The following GNG12 variants were observed in gnomAD, a reference collection of about 807,000 sequenced individuals.
GNG12 encodes the protein guanine nucleotide-binding protein G(I)/G(S)/G(O) subunit gamma-12.
For synonymous variants in GNG12, 28 were observed against 29.7 expected (o/e 0.94, Z 0.19); for missense variants, 69 against 83.8 (o/e 0.82, Z 0.69).
intron 2 of GNG12, among the ~76,000 whole-genome samples, chr1:67,770,218 A>G (rs1277817731): frequency 6.6e-6 from 1 of 152,210 alleles, no homozygotes; most frequent in Non-Finnish European, 1.5e-5. Context: ...GTGGAAAGCA[A>G]TGGAGGATTC....
chr1:67,750,528 A>G (rs1447594826), intron 2 of GNG12, among the ~76,000 whole-genome samples: 1 of 152,142 alleles, frequency 6.6e-6, no homozygotes, highest in African/African-American at 2.4e-5. Flanking sequence ...AGCGTAATTC[A>G]CCCAGCAGTT....
intron 1 of GNG12, among the ~76,000 whole-genome samples, chr1:67,811,941 A>C (rs1296913341): frequency 6.6e-6 from 1 of 152,230 alleles, no homozygotes; most frequent in East Asian, 1.9e-4. Context: ...CCAAGTATTC[A>C]AATGAAACTT....
At chr1:67,794,152 T>C (rs1016761743) in intron 1 of GNG12, among the ~76,000 whole-genome samples, 3 of 152,206 alleles carry the variant, frequency 2.0e-5, no homozygotes, top group African/African-American at 7.2e-5. Flanking sequence ...ATGTCTGCTT[T>C]TGCTTCCCGC....
chr1:67,774,064 T>A (rs1199617457), intron 2 of GNG12, among the ~76,000 whole-genome samples: 2 of 152,202 alleles, frequency 1.3e-5, no homozygotes, highest in Non-Finnish European at 2.9e-5. Context: ...TCGGCCACTC[T>A]GTGTGGCATT....
chr1:67,742,424 T>C lies in GNG12; in HGVS notation c.-26-34712A>G, dbSNP rs180971124. The stretch of plus-strand genomic sequence containing the variant: ...TCTCTGGCCCTAAGGATCTGGTAAT[T>C]CACCTGGGAAGAAAACTCCCACATA... On this transcript the variant is annotated intron_variant, in intron 2 of 3. Transcript: ENST00000370982. Among the ~76,000 whole-genome samples the C allele has an allele frequency of 6.4e-4, 98 of 152,246 alleles. 1 individual carries two copies. The highest frequency in any genetic ancestry group is 1.9e-3 in the African/African-American group (80 of 41,530).
intron 1 of GNG12, among the ~76,000 whole-genome samples, chr1:67,778,610 C>T (rs1018631042): frequency 6.6e-6 from 1 of 152,074 alleles, no homozygotes; most frequent in Non-Finnish European, 1.5e-5. Flanking sequence ...CCCAATTAAA[C>T]GTCACAATAA....
At chr1:67,716,534 G>C (rs928589950) in intron 2 of GNG12, among the ~76,000 whole-genome samples, 1 of 152,190 alleles carries the variant, frequency 6.6e-6, no homozygotes, top group Non-Finnish European at 1.5e-5. Flanking sequence ...ATGAAGCAGA[G>C]AGAGGTTAAA....
intron 2 of GNG12, among the ~76,000 whole-genome samples, chr1:67,746,488 G>A (rs998519632): frequency 2.0e-5 from 3 of 152,058 alleles, no homozygotes; most frequent in African/African-American, 4.8e-5. Context: ...ATGAAGGCAC[G>A]GAAGTGGCTT....
chr1:67,735,086 C>A (rs1185587817), intron 2 of GNG12, among the ~76,000 whole-genome samples: 2 of 152,102 alleles, frequency 1.3e-5, no homozygotes, highest in African/African-American at 4.8e-5. Flanking sequence ...AAACTCCTGA[C>A]CTCAGGTGAT....
At chr1:67,798,417 C>T (rs1484004314) in intron 1 of GNG12, among the ~76,000 whole-genome samples, 2 of 152,092 alleles carry the variant, frequency 1.3e-5, no homozygotes, top group African/African-American at 4.8e-5. Context: ...GAAACTGGTC[C>T]CTGGTGCCAA....
intron 1 of GNG12, among the ~76,000 whole-genome samples, chr1:67,795,169 T>G (rs1646823532): frequency 6.6e-6 from 1 of 152,198 alleles, no homozygotes; most frequent in Admixed American, 6.5e-5. Context: ...TTGGCCTGAT[T>G]TGGAAACAAC....
In GNG12 at chr1:67,737,288, T is replaced by G. The variant is rs1646457488; in HGVS notation, c.-26-29576A>C. Among the ~76,000 whole-genome samples, 4 of 152,260 alleles carry G rather than the reference T, an allele frequency of 2.6e-5. No homozygotes were observed. In the South Asian group the frequency reaches 8.3e-4, roughly 31 times the overall value. On this transcript the variant is annotated intron_variant, in intron 2 of 3. Coordinates refer to ENST00000370982, the MANE Select transcript of GNG12 (RefSeq NM_018841.6). ...AACTAGCTAAAGCAAAGTCTAATTA[T>G]AATTCTCATAATTAATCATTATAAA...
At position 67,748,866 on chromosome 1, in the gene GNG12, T is replaced by C. The variant is rs566813671; in HGVS notation, c.-27+28592A>G. Among the ~76,000 whole-genome samples the C allele has an allele frequency of 5.3e-5, 8 of 152,288 alleles. No individual in the cohort carries two copies. The South Asian group carries it at 1.7e-3, about 32-fold the overall frequency. ...TCTATTTGATCCTGCCCTGTACTGG[T>C]TTACTTTCTGTTTCTCCCACTCATT... is the stretch of plus-strand genomic sequence containing the variant. On this transcript the variant is annotated intron_variant, in intron 2 of 3. Transcript: ENST00000370982.
At chr1:67,724,207 G>A (rs921379263) in intron 2 of GNG12, among the ~76,000 whole-genome samples, 11 of 152,180 alleles carry the variant, frequency 7.2e-5, no homozygotes, top group African/African-American at 2.2e-4. Context: ...GGGTAACTGA[G>A]AGGGCAGAAG....
At chr1:67,740,964 C>T (rs1646480006) in intron 2 of GNG12, among the ~76,000 whole-genome samples, 1 of 152,054 alleles carries the variant, frequency 6.6e-6, no homozygotes, top group Admixed American at 6.6e-5. Context: ...AGGGAATCAT[C>T]TATGTTTTAT....
rs1255095744 is a variant in GNG12, at chr1:67,703,586, G to A, written c.*1865C>T. On this transcript the variant is annotated 3_prime_UTR_variant, in exon 4 of 4. Transcript: ENST00000370982. ...GTAAATTTCAAATCTCACCCTTTGA[G>A]AGGTAAAATCTTCCTCTCTCCTAAA... 1 of 152,148 alleles carries A rather than the reference G, an allele frequency of 6.6e-6. No homozygotes were observed. Among genetic ancestry groups the A allele is most frequent in the Non-Finnish European group, 1.5e-5 (1 of 68,032 alleles). The allele number at this position is 152,148 out of a possible 1,614,324, so 9.4% of individuals were successfully genotyped here.
At chr1:67,766,126 A>G (rs987386709) in intron 2 of GNG12, among the ~76,000 whole-genome samples, 4 of 151,206 alleles carry the variant, frequency 2.6e-5, no homozygotes, top group African/African-American at 9.7e-5. Flanking sequence ...ACACACACAC[A>G]CACACACACA....
chr1:67,721,547 T>G (rs1338612437), intron 2 of GNG12, among the ~76,000 whole-genome samples: 2 of 152,038 alleles, frequency 1.3e-5, no homozygotes, highest in African/African-American at 4.8e-5. Flanking sequence ...ATAGAGCTTT[T>G]CAACAGAAGG....
At chr1:67,816,202 C>T (rs1425713817) in intron 1 of GNG12, among the ~76,000 whole-genome samples, 3 of 152,034 alleles carry the variant, frequency 2.0e-5, no homozygotes, top group Non-Finnish European at 4.4e-5. Flanking sequence ...TTCCTCAAGT[C>T]AAGAAAGTTT....
Sources: allele counts gnomAD v4.1 joint callset (sites outside exome capture counted in the v4.1 genomes callset), GRCh38; gene constraint gnomAD v4.1.1; transcripts MANE v1.5; gene names NCBI Gene and HGNC (gene_info 2026-07-23, HGNC 2026-07-21).